Variants in FRMPD4 observed in about 807,000 individuals in gnomAD.
FRMPD4 encodes the protein FERM and PDZ domain containing 4.
Under a neutral mutation model 94.1 loss-of-function variants are expected in FRMPD4, and 22 were observed. That is an observed-to-expected ratio of 0.23 (90% CI 0.17 to 0.33). The LOEUF (loss-of-function observed/expected upper bound fraction) is 0.33. FRMPD4 is among the 10% of genes least tolerant of loss of function. The pLI is 1.00. For missense variants in FRMPD4, 1,111 were observed against 1,339.9 expected, an observed-to-expected ratio of 0.83 and a Z score of 2.67; for synonymous variants, 631 against 548.6, an observed-to-expected ratio of 1.15 and a Z score of -2.10.
chrX:11,854,435 C>T (rs747954883), intron 1 of FRMPD4, among the ~76,000 whole-genome samples: 7 of 111,801 alleles, frequency 6.3e-5, no homozygotes, highest in Admixed American at 9.5e-5. Flanking sequence ...CTCAAAAGTC[C>T]AAGTCCAAAG....
At chrX:12,447,173 G>A (rs530467715) in intron 1 of FRMPD4, among the ~76,000 whole-genome samples, 2 of 111,651 alleles carry the variant, frequency 1.8e-5, no homozygotes, top group African/African-American at 6.5e-5. Flanking sequence ...AACCTATCAG[G>A]GAAGCAACAT....
intron 1 of FRMPD4, among the ~76,000 whole-genome samples, chrX:12,386,101 A>G (rs1451343575): frequency 1.8e-5 from 2 of 112,334 alleles, no homozygotes; most frequent in Non-Finnish European, 3.8e-5. Flanking sequence ...AGGAAATCAC[A>G]TAAAGAACAC....
rs759197028 is a variant in FRMPD4, at chrX:12,420,884, G to A, written c.42-77796G>A. Among the ~76,000 whole-genome samples the A allele has an allele frequency of 9.8e-5, 11 of 111,710 alleles. No homozygotes were observed. The South Asian group carries it at 1.1e-3, about 12-fold the overall frequency. On this transcript the variant is annotated intron_variant, in intron 1 of 16. Transcript: ENST00000675598. ...TCCATCACTTAACCACAATCTCTCC[G>A]TACCTATTTGTCGAATGAGGAAATT...
intron 1 of FRMPD4, among the ~76,000 whole-genome samples, chrX:12,416,585 A>G (rs1035629747): frequency 2.7e-5 from 3 of 112,371 alleles, no homozygotes; most frequent in African/African-American, 6.5e-5. Flanking sequence ...ATAAATTTTC[A>G]TAAGACTCAA....
intron 1 of FRMPD4, among the ~76,000 whole-genome samples, chrX:12,169,503 T>G (rs2056183981): frequency 9.0e-6 from 1 of 111,682 alleles, no homozygotes; most frequent in Non-Finnish European, 1.9e-5. Context: ...AGGTCAAATC[T>G]GGCCCACTGC....
chrX:12,429,697 C>A (rs1291308495), intron 1 of FRMPD4, among the ~76,000 whole-genome samples: 2 of 112,040 alleles, frequency 1.8e-5, no homozygotes, highest in East Asian at 5.6e-4. Flanking sequence ...CTCTGATGCC[C>A]TTTTTGTGTC....
rs373222997 is a variant in FRMPD4 at position 12,720,483 on chromosome X, C to A, written c.3965-51C>A. 33 of 1,176,141 alleles carry A rather than the reference C, an allele frequency of 2.8e-5. No homozygotes were observed. The South Asian group carries it at 5.9e-4, about 21-fold the overall frequency. The stretch of plus-strand genomic sequence containing the variant: ...TGTAGAGATGTAGTAAAAATGACCT[C>A]CCAGGAGATGCTTAATGATTCTCTC... On this transcript the variant is annotated intron_variant, in intron 16 of 16. Coordinates refer to ENST00000675598, the MANE Select transcript of FRMPD4 (RefSeq NM_001368397.1).
At chrX:12,016,309 T>C (rs189976989) in intron 3 of FRMPD4, among the ~76,000 whole-genome samples, 2 of 111,972 alleles carry the variant, frequency 1.8e-5, no homozygotes, top group Admixed American at 9.4e-5. Flanking sequence ...TCTTATGAAG[T>C]GTGGTTGAGT....
intron 1 of FRMPD4, among the ~76,000 whole-genome samples, chrX:12,389,810 T>A (rs748871289): frequency 9.8e-4 from 110 of 111,843 alleles, no homozygotes; most frequent in Non-Finnish European, 1.8e-3. Flanking sequence ...CTGGGTACTA[T>A]CCCGTATGTT....
chrX:12,416,735 G>T (rs2056806006), intron 1 of FRMPD4, among the ~76,000 whole-genome samples: 1 of 111,565 alleles, frequency 9.0e-6, no homozygotes, highest in African/African-American at 3.3e-5. Flanking sequence ...TCCCTTGTGG[G>T]CAAGGAAAAA....
rs767829530 is a variant in FRMPD4 at position 11,876,089 on chromosome X, T to C, written c.-29-1806T>C. On this transcript the variant is annotated intron_variant, in intron 2 of 18. Transcript: ENST00000640291. ...CGGGGTTTCACTGTGTTAGCCAGGA[T>C]GGTCTCGTTCGCCTGACCTCGTGAT... is the stretch of plus-strand genomic sequence containing the variant. Among the ~76,000 whole-genome samples, 14 of 108,674 alleles carry C rather than the reference T, an allele frequency of 1.3e-4. No homozygotes were observed. The South Asian group carries it at 5.8e-3, about 45-fold the overall frequency. 94.4% of individuals were successfully genotyped at this position (108,674 alleles called of 115,157 possible). A position where few individuals can be genotyped will look rare whatever the true frequency, so the allele number is the denominator to read the frequency against.
intron 3 of FRMPD4, among the ~76,000 whole-genome samples, chrX:11,932,547 G>A (rs1472853393): frequency 9.0e-6 from 1 of 111,275 alleles, no homozygotes; most frequent in Non-Finnish European, 1.9e-5. Flanking sequence ...TTTTGGGAAA[G>A]TGTTACTAAG....
chrX:12,716,356 C>A lies in FRMPD4; in HGVS notation c.1897C>A (p.Leu633Ile), dbSNP rs373853680. 19 of 1,210,030 alleles carry A rather than the reference C, an allele frequency of 1.6e-5. No individual in the cohort carries two copies. In the East Asian group the frequency reaches 1.8e-4, roughly 11 times the overall value. ...RSLAQRSLLTLSGPETLKKAQ... is the reference protein window; with the variant it reads ...RSLAQRSLLTISGPETLKKAQ... ...TCTAGCTCAGCGGTCCCTATTGACC[C>A]TCTCAGGACCAGAAACTCTGAAGAA... is the stretch of plus-strand genomic sequence containing the variant. Residue 633 changes from leucine to isoleucine, a missense_variant, in exon 15 of 17, where the codon CTC becomes ATC. Coordinates refer to ENST00000675598, the MANE Select transcript of FRMPD4 (RefSeq NM_001368397.1).
At chrX:12,117,660 C>T (rs2055420645) in intron 3 of FRMPD4, among the ~76,000 whole-genome samples, 1 of 111,960 alleles carries the variant, frequency 8.9e-6, no homozygotes, top group Admixed American at 9.5e-5. Context: ...GCAAGGCTCC[C>T]ATGCTTTGGC....
chrX:12,026,525 G>A (rs1445787651), intron 3 of FRMPD4, among the ~76,000 whole-genome samples: 1 of 112,326 alleles, frequency 8.9e-6, no homozygotes, highest in East Asian at 2.8e-4. Flanking sequence ...TCAAGGAAAT[G>A]ATATTGAGGA....
intron 3 of FRMPD4, among the ~76,000 whole-genome samples, chrX:12,001,116 A>G (rs554368961): frequency 8.9e-6 from 1 of 112,126 alleles, no homozygotes; most frequent in African/African-American, 3.2e-5. Flanking sequence ...ATCAGAAGAA[A>G]GAGGATGAAG....
At chrX:11,880,101 G>T (rs2053805494) in intron 3 of FRMPD4, among the ~76,000 whole-genome samples, 1 of 111,807 alleles carries the variant, frequency 8.9e-6, no homozygotes, top group South Asian at 3.7e-4. Context: ...AGAGCAGCTA[G>T]TTCCTTTGCC....
intron 3 of FRMPD4, among the ~76,000 whole-genome samples, chrX:11,981,044 A>G (rs1427416388): frequency 1.8e-5 from 2 of 111,847 alleles, no homozygotes; most frequent in Admixed American, 1.9e-4. Flanking sequence ...AGCAGCACCA[A>G]GTAGTTATAA....
intron 4 of FRMPD4, among the ~76,000 whole-genome samples, chrX:12,654,164 AC>A (rs1463797028): frequency 8.9e-6 from 1 of 112,416 alleles, no homozygotes; most frequent in Non-Finnish European, 1.9e-5. Context: ...AAAATCACAT[AC>A]CTAATTGATG....
Sources: gnomAD v4.1 joint callset for allele counts (sites outside exome capture counted in the v4.1 genomes callset) on GRCh38, gnomAD v4.1.1 for gene constraint, MANE v1.5 for transcripts, NCBI Gene and HGNC (gene_info 2026-07-23, HGNC 2026-07-21) for gene names.